APLF: variants seen among roughly 807,000 people sequenced by gnomAD.
The protein encoded by APLF is aprataxin and PNKP like factor.
APLF carries 61 observed loss-of-function variants against 55.6 expected under a neutral mutation model. The observed-to-expected ratio is 1.10, with a 90% CI of 0.89 to 1.36. APLF has a LOEUF of 1.36. Ranked by LOEUF, APLF falls within the 40% of genes most tolerant of loss-of-function variation. The probability of loss-of-function intolerance (pLI) is 0.00; values close to 1 mark genes in which losing one functional copy is unlikely to be tolerated. For missense variants in APLF, 611 were observed against 602.5 expected (o/e 1.01, Z -0.15); for synonymous variants, 207 against 214.8 (o/e 0.96, Z 0.32).
chr2:68,539,705 TTATGAAA>T, intron 7 of APLF, among the ~76,000 whole-genome samples: 1 of 152,188 alleles, frequency 6.6e-6, no homozygotes, highest in Non-Finnish European at 1.5e-5. Context: ...AACATCCCAT[TTATGAAA>T]AAAATTCTTA....
At chr2:68,574,956 G>A (rs78078494) in intron 9 of APLF, among the ~76,000 whole-genome samples, 3,005 of 152,232 alleles carry the variant, frequency 0.02, 99 homozygotes, top group African/African-American at 0.069. Flanking sequence ...TATTTATTAA[G>A]TGCTCCCACA....
chr2:68,553,659 A>C (rs1670927705), intron 8 of APLF, among the ~76,000 whole-genome samples: 1 of 152,108 alleles, frequency 6.6e-6, no homozygotes. Flanking sequence ...AAGCCATCAA[A>C]ATGAGCAATA....
rs556538718 is a variant in APLF at position 68,487,726 on chromosome 2, G to A, written c.97-2464G>A. On this transcript the variant is annotated intron_variant, in intron 1 of 9. Transcript: ENST00000303795. ...CCCCACCCCTCTCCGTATATCAATC[G>A]TGACATTAAAATGTTTTAATGATAA... 5.3e-5 allele frequency among the ~76,000 whole-genome samples: 8 copies of A among 152,092 alleles called. No homozygotes were observed. In the South Asian group the frequency reaches 8.3e-4, roughly 16 times the overall value.
chr2:68,484,964 CTG>C (rs143959201), intron 1 of APLF, among the ~76,000 whole-genome samples: 8 of 150,184 alleles, frequency 5.3e-5, no homozygotes, highest in Admixed American at 6.6e-5. Flanking sequence ...TGTAATATGC[CTG>C]TGTGTGTGTG....
chr2:68,513,238 T>G lies in APLF; in HGVS notation c.489+11T>G. ...CCCACAAATAGTGTGGTGAGAAATT[T>G]GATATCTCATCCATTTATAACATGT... is the stretch of plus-strand genomic sequence containing the variant. On this transcript the variant is annotated intron_variant, in intron 4 of 9. Transcript: ENST00000303795. 1 of 1,594,734 alleles carries G rather than the reference T, an allele frequency of 6.3e-7. No homozygotes were observed. Among genetic ancestry groups the G allele is most frequent in the Non-Finnish European group, 8.5e-7 (1 of 1,173,180 alleles).
At chr2:68,561,623 G>A (rs58789278) in intron 8 of APLF, among the ~76,000 whole-genome samples, 11,694 of 152,028 alleles carry the variant, frequency 0.077, 1,308 homozygotes, top group African/African-American at 0.25. Context: ...AGTAATGTGC[G>A]TTGTTAATGG....
intron 8 of APLF, among the ~76,000 whole-genome samples, chr2:68,554,268 T>C (rs1368985827): frequency 6.6e-6 from 1 of 152,096 alleles, no homozygotes; most frequent in Non-Finnish European, 1.5e-5. Flanking sequence ...CCTGCTAATA[T>C]AGCAGGTTGA....
chr2:68,533,553 A>G (rs560133086), intron 6 of APLF, among the ~76,000 whole-genome samples: 1 of 152,028 alleles, frequency 6.6e-6, no homozygotes, highest in Non-Finnish European at 1.5e-5. Flanking sequence ...CAGCTGGGCA[A>G]TTCTTTTATG....
intron 3 of APLF, among the ~76,000 whole-genome samples, chr2:68,507,249 T>G (rs1236981596): frequency 2.0e-5 from 3 of 151,956 alleles, no homozygotes; most frequent in African/African-American, 4.8e-5. Flanking sequence ...TTATATGCTT[T>G]GTAGAAGTTG....
intron 2 of APLF, among the ~76,000 whole-genome samples, chr2:68,491,299 A>C (rs928256003): frequency 6.6e-6 from 1 of 152,182 alleles, no homozygotes; most frequent in Non-Finnish European, 1.5e-5. Context: ...CAGCTATCTT[A>C]TTCTTCTGAG....
At chr2:68,572,651 CAG>C (rs1179661441) in intron 9 of APLF, among the ~76,000 whole-genome samples, 1 of 151,964 alleles carries the variant, frequency 6.6e-6, no homozygotes, top group Admixed American at 6.6e-5. Context: ...GCCTGGGCAA[CAG>C]AGTGAGACCA....
At chr2:68,535,856 A>C (rs568953122) in intron 6 of APLF, among the ~76,000 whole-genome samples, 1 of 152,272 alleles carries the variant, frequency 6.6e-6, no homozygotes, top group South Asian at 2.1e-4. Context: ...AGAGAAGTGC[A>C]GTGTTTATGG....
chr2:68,484,548 C>T (rs903340190), intron 1 of APLF, among the ~76,000 whole-genome samples: 17 of 151,916 alleles, frequency 1.1e-4, no homozygotes, highest in African/African-American at 2.7e-4. Flanking sequence ...AAAAATTAGC[C>T]GGACATGGTG....
chr2:68,547,449 G>A (rs1209262552), intron 8 of APLF, among the ~76,000 whole-genome samples: 1 of 151,758 alleles, frequency 6.6e-6, no homozygotes, highest in East Asian at 1.9e-4. Flanking sequence ...AGAATAGGTG[G>A]CAGGATGTGT....
At chr2:68,505,433 G>T (rs1256563472) in intron 3 of APLF, among the ~76,000 whole-genome samples, 1 of 151,910 alleles carries the variant, frequency 6.6e-6, no homozygotes, top group South Asian at 2.1e-4. Flanking sequence ...TGTCTTTAGG[G>T]CAAGTGTCAC....
At chr2:68,519,177 T>C (rs1230806155) in intron 5 of APLF, among the ~76,000 whole-genome samples, 1 of 138,218 alleles carries the variant, frequency 7.2e-6, no homozygotes, top group Non-Finnish European at 1.5e-5. Context: ...ATTGGACCAA[T>C]GTGACTATAT....
intron 5 of APLF, among the ~76,000 whole-genome samples, chr2:68,518,450 AT>A (rs1669732794): frequency 8.8e-6 from 1 of 113,668 alleles, no homozygotes. Flanking sequence ...ATAATAATAT[AT>A]TATATATTAT....
intron 5 of APLF, among the ~76,000 whole-genome samples, chr2:68,518,069 T>C (rs1405157336): frequency 5.9e-5 from 8 of 134,732 alleles, no homozygotes; most frequent in African/African-American, 2.2e-4. Flanking sequence ...ATATAATATA[T>C]CATTAGTATA....
chr2:68,492,267 A>G (rs569589207), intron 2 of APLF, among the ~76,000 whole-genome samples: 54 of 152,112 alleles, frequency 3.6e-4, no homozygotes, highest in Non-Finnish European at 7.2e-4. Flanking sequence ...TCACGAGGTC[A>G]GGAGATCGAG....
Sources: allele counts gnomAD v4.1 joint callset (sites outside exome capture counted in the v4.1 genomes callset), GRCh38; gene constraint gnomAD v4.1.1; transcripts MANE v1.5; gene names NCBI Gene and HGNC (gene_info 2026-07-23, HGNC 2026-07-21).